The following RERE variants were observed in gnomAD, a reference collection of about 807,000 sequenced individuals.
RERE encodes the protein arginine-glutamic acid dipeptide repeats protein.
RERE carries 40 observed loss-of-function variants against 146.1 expected under a neutral mutation model. The ratio of observed to expected loss-of-function variants is 0.27; its 90% confidence interval spans 0.21 to 0.36. RERE has a LOEUF of 0.36. RERE is among the 10% of genes least tolerant of loss of function. The pLI, the probability that RERE is intolerant of heterozygous loss-of-function variation, is 1.00. For missense variants in RERE, 1,933 were observed against 2,138.7 expected, an observed-to-expected ratio of 0.90 and a Z score of 1.90; for synonymous variants, 1,003 against 866.0, an observed-to-expected ratio of 1.16 and a Z score of -2.78.
intron 10 of RERE, among the ~76,000 whole-genome samples, chr1:8,480,732 G>A (rs981814744): frequency 1.1e-4 from 17 of 152,094 alleles, no homozygotes; most frequent in Admixed American, 9.2e-4. Context: ...CACCGCATCC[G>A]GCCTAAGCCT....
chr1:8,596,810 C>T lies in RERE; in HGVS notation c.522+17751G>A, dbSNP rs564438903. Among the ~76,000 whole-genome samples, 4 of 152,008 alleles carry T rather than the reference C, an allele frequency of 2.6e-5. No individual in the cohort carries two copies. In the South Asian group the frequency reaches 8.3e-4, roughly 32 times the overall value. On this transcript the variant is annotated intron_variant, in intron 4 of 22. Coordinates refer to ENST00000400908, the MANE Select transcript of RERE (RefSeq NM_001042681.2). ...TATAGGTGTGAGCTAACACACCTGG[C>T]CAGAAAACAATTTTCTCTAATGAAT... is the stretch of plus-strand genomic sequence containing the variant.
chr1:8,355,930 C>A (rs1641271890), intron 21 of RERE, among the ~76,000 whole-genome samples, 170 bp downstream of exon 21: 1 of 152,166 alleles, frequency 6.6e-6, no homozygotes, highest in Admixed American at 6.5e-5. Context: ...CCCCAGACAG[C>A]CCCCAGAGGG....
At chr1:8,441,751 G>A (rs1310615465) in intron 11 of RERE, among the ~76,000 whole-genome samples, 3 of 151,854 alleles carry the variant, frequency 2.0e-5, no homozygotes, top group East Asian at 1.9e-4. Context: ...GGGCACTTAC[G>A]TGTTTAAAAA....
At chr1:8,768,676 AG>A (rs1460577964) in intron 1 of RERE, among the ~76,000 whole-genome samples, 1 of 152,258 alleles carries the variant, frequency 6.6e-6, no homozygotes, top group Non-Finnish European at 1.5e-5. Flanking sequence ...TTTACAGGCC[AG>A]TTAGGTGTCC....
chr1:8,801,139 G>A (rs1641582702), intron 1 of RERE, among the ~76,000 whole-genome samples: 1 of 151,554 alleles, frequency 6.6e-6, no homozygotes, highest in Non-Finnish European at 1.5e-5. Flanking sequence ...CATTCCTGTA[G>A]CCTCAGCTAC....
In RERE at chr1:8,361,223, G is replaced by T; in HGVS notation, c.2284C>A (p.Pro762Thr). The change falls in exon 18 of 23, where the codon CCC becomes ACC. Residue 762 changes from proline (P) to threonine (T), a missense_variant. Coordinates refer to ENST00000400908, the MANE Select transcript of RERE (RefSeq NM_001042681.2). ...GCAGAGGGCGTGGGCCCTGGCGTGG[G>T]CAGCTGAGGGGTCCCTGGAGGAGCT... Reference protein sequence around the residue: ...SSAPPGTPQLPTPGPTPSATA... With the variant: ...SSAPPGTPQLTTPGPTPSATA... 6.5e-7 allele frequency: 1 copy of T among 1,533,134 alleles called. No individual in the cohort carries two copies. The allele number at this position is 1,533,134 out of a possible 1,614,324, so 95.0% of individuals were successfully genotyped here. A position where few individuals can be genotyped will look rare whatever the true frequency, so the allele number is the denominator to read the frequency against.
chr1:8,423,360 A>T lies in RERE; in HGVS notation c.1204-553T>A. The T allele has an allele frequency of 5.3e-6, 1 of 187,112 alleles. No homozygotes were observed. The highest frequency in any genetic ancestry group is 1.8e-4 in the South Asian group (1 of 5,410). The allele number at this position is 187,112 out of a possible 1,614,324, so 11.6% of individuals were successfully genotyped here. A position where few individuals can be genotyped will look rare whatever the true frequency, so the allele number is the denominator to read the frequency against. On this transcript the variant is annotated intron_variant, in intron 11 of 22. Coordinates refer to ENST00000400908, the MANE Select transcript of RERE (RefSeq NM_001042681.2). This position sits in a 1 kb window ranked among gnomAD's most constrained non-coding sequence, Gnocchi z 5.4. ...ACACGAAAGCCAGCGGGCCTGCCCC[A>T]CCGTCCGTCATTAAAAGCCACTCCG...
chr1:8,492,113 A>G (rs1015970651), intron 10 of RERE, among the ~76,000 whole-genome samples: 7 of 152,196 alleles, frequency 4.6e-5, no homozygotes, highest in African/African-American at 1.7e-4. Context: ...TCATCACAAA[A>G]TATGTACACA....
In RERE at chr1:8,361,095, C is replaced by T. The variant is rs1023188795; in HGVS notation, c.2412G>A (p.Pro804=). The stretch of plus-strand genomic sequence containing the variant: ...AGGGCGGCCGCTGGGGGTGCAAGGC[C>T]GGTGCCTGTTGGATGTGGGTGTGGG... The part of the protein sequence containing the change: ...PVPHTHIQQA[P]ALHPQRPPSP... The change falls in exon 18 of 23, where the codon CCG becomes CCA. Residue 804 remains proline (P), a synonymous_variant. Transcript: ENST00000400908. The T allele has an allele frequency of 8.3e-6, 12 of 1,439,482 alleles. No homozygotes were observed. The highest frequency in any genetic ancestry group is 1.9e-4 in the Middle Eastern group (1 of 5,242). The allele number at this position is 1,439,482 out of a possible 1,614,324, so 89.2% of individuals were successfully genotyped here. A position where few individuals can be genotyped will look rare whatever the true frequency, so the allele number is the denominator to read the frequency against.
chr1:8,804,205 A>G (rs1355442275), intron 1 of RERE, among the ~76,000 whole-genome samples: 1 of 152,142 alleles, frequency 6.6e-6, no homozygotes, highest in East Asian at 1.9e-4. Flanking sequence ...ATATATATGT[A>G]CACATGGCAG....
chr1:8,787,660 G>A (rs966138919), intron 1 of RERE, among the ~76,000 whole-genome samples: 6 of 151,726 alleles, frequency 4.0e-5, no homozygotes, highest in African/African-American at 1.5e-4. Flanking sequence ...GTGAAACCTC[G>A]TCTCTACTAA....
intron 1 of RERE, among the ~76,000 whole-genome samples, chr1:8,764,356 CA>C (rs1226156248): frequency 4.6e-5 from 7 of 152,062 alleles, no homozygotes; most frequent in Non-Finnish European, 1.0e-4. Context: ...AAGGAACACA[CA>C]AAAATCATGA....
Position 8,361,101 on chromosome 1 carries a change from C to T in RERE, c.2406G>A (p.Gln802=), listed in dbSNP as rs1641556603. The change falls in exon 18 of 23, where the codon CAG becomes CAA. Residue 802 remains glutamine, a synonymous_variant. Coordinates refer to ENST00000400908, the MANE Select transcript of RERE (RefSeq NM_001042681.2). ...GCCGCTGGGGGTGCAAGGCCGGTGC[C>T]TGTTGGATGTGGGTGTGGGGAACAG... ...TAPVPHTHIQ[Q]APALHPQRPP... 6.9e-7 allele frequency: 1 copy of T among 1,440,610 alleles called. No individual in the cohort carries two copies. Among genetic ancestry groups the T allele is most frequent in the South Asian group, 1.5e-5 (1 of 68,100 alleles). The allele number at this position is 1,440,610 out of a possible 1,614,324, so 89.2% of individuals were successfully genotyped here.
intron 12 of RERE, among the ~76,000 whole-genome samples, chr1:8,375,337 T>C (rs937022592): frequency 5.3e-5 from 8 of 152,244 alleles, no homozygotes; most frequent in Non-Finnish European, 1.0e-4. Flanking sequence ...AGAAATGACA[T>C]TTTATCTCCA....
In RERE at chr1:8,423,808, G is replaced by A; in HGVS notation, c.1204-1001C>T. 2 of 545,700 alleles carry A rather than the reference G, an allele frequency of 3.7e-6. No individual in the cohort carries two copies. Among genetic ancestry groups the A allele is most frequent in the Non-Finnish European group, 4.6e-6 (2 of 431,022 alleles). The allele number at this position is 545,700 out of a possible 1,614,324, so 33.8% of individuals were successfully genotyped here. ...AGGAGCGCGGCGCGCAGAGCCCGGC[G>A]CGGCCGCGGGCGGCTGCAAAAGGCG... On this transcript the variant is annotated intron_variant, in intron 11 of 22. Transcript: ENST00000400908. The surrounding 1 kb of genome is among the most constrained non-coding windows in gnomAD (Gnocchi z 5.4).
At chr1:8,365,314 A>G (rs1249944126) in intron 13 of RERE, among the ~76,000 whole-genome samples, 2 of 152,154 alleles carry the variant, frequency 1.3e-5, no homozygotes, top group African/African-American at 4.8e-5. Context: ...GCTACACCCC[A>G]GTTTTTTAGG....
At chr1:8,744,079 A>C (rs1640371532) in intron 1 of RERE, among the ~76,000 whole-genome samples, 1 of 152,160 alleles carries the variant, frequency 6.6e-6, no homozygotes, top group Admixed American at 6.5e-5. Context: ...AATTAATCTT[A>C]ATACTGATGC....
intron 22 of RERE, 144 bp from the exon 23 acceptor site, chr1:8,355,264 C>G: frequency 1.8e-6 from 2 of 1,127,888 alleles, no homozygotes; most frequent in South Asian, 2.7e-5. Flanking sequence ...CCTCCCAACA[C>G]CTCCCTTCCT....
At chr1:8,381,832 A>G (rs182984809) in intron 12 of RERE, among the ~76,000 whole-genome samples, 8 of 152,324 alleles carry the variant, frequency 5.3e-5, no homozygotes, top group Admixed American at 5.2e-4. Context: ...TTTTTGTTTT[A>G]CAAATCTATG....
Sources: allele counts gnomAD v4.1 joint callset (sites outside exome capture counted in the v4.1 genomes callset), GRCh38; gene constraint gnomAD v4.1.1; non-coding constraint Gnocchi (gnomAD v3.1); transcripts MANE v1.5; gene names NCBI Gene and HGNC (gene_info 2026-07-23, HGNC 2026-07-21).